The following GPC6 variants were observed in gnomAD, a reference collection of about 807,000 sequenced individuals.
GPC6 encodes the protein glypican 6.
GPC6 carries 14 observed loss-of-function variants against 55.2 expected under a neutral mutation model. That is an observed-to-expected ratio of 0.25 (90% confidence interval 0.17 to 0.40). The LOEUF is 0.40. Among genes scored for constraint, GPC6 ranks in the 10% least tolerant of loss-of-function variants. GPC6 has a pLI of 1.00. For synonymous variants in GPC6, 278 were observed against 259.6 expected, an observed-to-expected ratio of 1.07 and a Z score of -0.68; for missense variants, 641 against 708.5, an observed-to-expected ratio of 0.90 and a Z score of 1.08.
chr13:94,025,056 G>C (rs1472601401), intron 3 of GPC6, among the ~76,000 whole-genome samples: 1 of 152,222 alleles, frequency 6.6e-6, no homozygotes, highest in Non-Finnish European at 1.5e-5. Flanking sequence ...GCATCCAAGA[G>C]ATCTCAAATT....
At chr13:93,552,876 A>G (rs1436942696) in intron 2 of GPC6, among the ~76,000 whole-genome samples, 2 of 152,268 alleles carry the variant, frequency 1.3e-5, no homozygotes, top group Non-Finnish European at 2.9e-5. Flanking sequence ...TGGGTGAATT[A>G]CAGGAGAAAT....
At chr13:93,344,613 T>C (rs1880369358) in intron 1 of GPC6, among the ~76,000 whole-genome samples, 1 of 152,220 alleles carries the variant, frequency 6.6e-6, no homozygotes, top group Non-Finnish European at 1.5e-5. Flanking sequence ...TTTTTGGTTC[T>C]GTTCCCGTGT....
intron 7 of GPC6, among the ~76,000 whole-genome samples, chr13:94,396,618 C>T (rs956912316): frequency 6.6e-6 from 1 of 152,164 alleles, no homozygotes; most frequent in African/African-American, 2.4e-5. Context: ...TGAGGATAGG[C>T]CTGGGTCTTT....
chr13:93,893,423 T>A (rs1056587258), intron 3 of GPC6, among the ~76,000 whole-genome samples: 9 of 152,124 alleles, frequency 5.9e-5, no homozygotes, highest in Non-Finnish European at 2.9e-5. Context: ...TTTTAAAAAA[T>A]CACCAGCGAT....
intron 1 of GPC6, among the ~76,000 whole-genome samples, chr13:93,384,047 T>C (rs1875292555): frequency 6.6e-6 from 1 of 152,176 alleles, no homozygotes; most frequent in Non-Finnish European, 1.5e-5. Flanking sequence ...CAAAGACATA[T>C]CAGTTATTTT....
chr13:93,444,499 C>T (rs1187420996), intron 1 of GPC6, among the ~76,000 whole-genome samples: 2 of 151,978 alleles, frequency 1.3e-5, no homozygotes, highest in African/African-American at 2.4e-5. Context: ...CCCAGCTACG[C>T]GGGAGACTGC....
chr13:93,293,148 A>G (rs1201480202), intron 1 of GPC6, among the ~76,000 whole-genome samples: 1 of 151,802 alleles, frequency 6.6e-6, no homozygotes, highest in African/African-American at 2.4e-5. Context: ...ATCTCGGGCT[A>G]ATTTTTTTCT....
intron 4 of GPC6, among the ~76,000 whole-genome samples, chr13:94,086,946 G>T (rs796345191): frequency 3.7e-4 from 57 of 152,264 alleles, no homozygotes; most frequent in African/African-American, 1.2e-3. Context: ...TAGTTGCCTT[G>T]CCTTAAAAAC....
At chr13:93,224,230 T>C (rs1359329667), upstream of GPC6, among the ~76,000 whole-genome samples, 3 of 145,686 alleles carry the variant, frequency 2.1e-5, no homozygotes, top group Non-Finnish European at 1.5e-5. Flanking sequence ...GTTTCTTTCT[T>C]GTTGCCCAGT....
chr13:94,311,686 C>T (rs995034838), intron 6 of GPC6, among the ~76,000 whole-genome samples: 1 of 152,142 alleles, frequency 6.6e-6, no homozygotes, highest in African/African-American at 2.4e-5. Flanking sequence ...GAGTACTATC[C>T]CCATTCATTA....
intron 3 of GPC6, among the ~76,000 whole-genome samples, chr13:93,867,606 A>C (rs1164704964): frequency 2.0e-5 from 3 of 151,746 alleles, no homozygotes; most frequent in African/African-American, 7.3e-5. Context: ...ACCCTTGTCA[A>C]CATGCCCCAA....
intron 4 of GPC6, among the ~76,000 whole-genome samples, chr13:94,087,321 T>A (rs1346345993): frequency 6.6e-6 from 1 of 152,180 alleles, no homozygotes; most frequent in South Asian, 2.1e-4. Flanking sequence ...AATCAGGACA[T>A]GTAAAACAAG....
At chr13:93,994,767 G>C (rs547612115) in intron 3 of GPC6, among the ~76,000 whole-genome samples, 1 of 152,256 alleles carries the variant, frequency 6.6e-6, no homozygotes, top group African/African-American at 2.4e-5. Flanking sequence ...TGTGCTACAC[G>C]TTCATAGTTT....
At position 94,308,346 on chromosome 13, in the gene GPC6, A is replaced by G. The variant is rs547470963; in HGVS notation, c.1152+2223A>G. On this transcript the variant is annotated intron_variant, in intron 6 of 8. Transcript: ENST00000377047. The stretch of plus-strand genomic sequence containing the variant: ...AAATCTGATGGACATGAAAATTGAG[A>G]TTTGAACCTTTTATAAAGGAACTTT... Among the ~76,000 whole-genome samples, 7 of 152,322 alleles carry G rather than the reference A, an allele frequency of 4.6e-5. No individual in the cohort carries two copies. The East Asian group carries it at 1.2e-3, about 25-fold the overall frequency.
chr13:93,611,812 TTAA>T (rs1212763441), intron 2 of GPC6, among the ~76,000 whole-genome samples: 1 of 152,206 alleles, frequency 6.6e-6, no homozygotes, highest in Non-Finnish European at 1.5e-5. Flanking sequence ...GCTTTTAATT[TTAA>T]TAATAAAGTA....
At chr13:94,383,910 G>T (rs1023738277) in intron 7 of GPC6, among the ~76,000 whole-genome samples, 1 of 152,146 alleles carries the variant, frequency 6.6e-6, no homozygotes, top group Non-Finnish European at 1.5e-5. Context: ...ACAAGTAAAG[G>T]GGGAAGAGGC....
At chr13:93,311,229 T>A (rs1879056727) in intron 1 of GPC6, among the ~76,000 whole-genome samples, 1 of 152,188 alleles carries the variant, frequency 6.6e-6, no homozygotes, top group Admixed American at 6.5e-5. Flanking sequence ...TTCAGATAAT[T>A]TTTTTGCAAG....
At chr13:94,358,361 C>T (rs1878899926) in intron 6 of GPC6, among the ~76,000 whole-genome samples, 1 of 151,062 alleles carries the variant, frequency 6.6e-6, no homozygotes, top group Non-Finnish European at 1.5e-5. Context: ...ACTACATATT[C>T]AAAAAACTAA....
intron 4 of GPC6, among the ~76,000 whole-genome samples, chr13:94,069,546 G>A (rs190443165): frequency 1.3e-5 from 2 of 152,236 alleles, no homozygotes; most frequent in Non-Finnish European, 2.9e-5. Context: ...TTGTCAGACT[G>A]TAAATTTCTC....
Sources: gnomAD v4.1 joint callset for allele counts (sites outside exome capture counted in the v4.1 genomes callset) on GRCh38, gnomAD v4.1.1 for gene constraint, MANE v1.5 for transcripts, NCBI Gene and HGNC (gene_info 2026-07-23, HGNC 2026-07-21) for gene names.